SCRG1: variants seen among roughly 807,000 people sequenced by gnomAD.
SCRG1 encodes stimulator of chondrogenesis 1, also known as scrapie-responsive protein 1.
Under a neutral mutation model 7.7 loss-of-function variants are expected in SCRG1, and 3 were observed. The ratio of observed to expected loss-of-function variants is 0.39; its 90% CI spans 0.18 to 1.01. The LOEUF (loss-of-function observed/expected upper bound fraction) is 1.01, where lower values mean the gene tolerates loss of function less well. Among genes scored for constraint, SCRG1 ranks in the 50% least tolerant of loss-of-function variants. The probability of loss-of-function intolerance (pLI) is 0.36; values close to 1 mark genes in which losing one functional copy is unlikely to be tolerated. For synonymous variants in SCRG1, 46 were observed against 41.2 expected (o/e 1.12, Z -0.44); for missense variants, 110 against 117.2 (o/e 0.94, Z 0.28).
chr4:173,466,195 T>C, the SCRG1 span, among the ~76,000 whole-genome samples: 1,443 of 152,280 alleles, frequency 9.5e-3, 19 homozygotes, highest in African/African-American at 0.031. Context: ...ATTTGGTACA[T>C]AAATTTGTCC....
At chr4:173,432,616 C>T in the SCRG1 span, among the ~76,000 whole-genome samples, 10 of 152,234 alleles carry the variant, frequency 6.6e-5, 1 homozygote, top group East Asian at 9.7e-4. Context: ...CAGAGTTTAC[C>T]GTGTGCCACA....
the SCRG1 span, among the ~76,000 whole-genome samples, chr4:173,506,032 A>AG: frequency 6.6e-6 from 1 of 152,174 alleles, no homozygotes; most frequent in Non-Finnish European, 1.5e-5. This position sits in a 1 kb window ranked among gnomAD's most constrained non-coding sequence, Gnocchi z 5.3. Context: ...CCCGGGCTGA[A>AG]GGGGGAGCTC....
the SCRG1 span, among the ~76,000 whole-genome samples, chr4:173,437,443 A>T: frequency 1.3e-5 from 2 of 152,222 alleles, no homozygotes; most frequent in Non-Finnish European, 2.9e-5. Context: ...TAGCCACAGG[A>T]TGTCATCAAA....
the SCRG1 span, among the ~76,000 whole-genome samples, chr4:173,505,847 T>C: frequency 6.6e-6 from 1 of 152,106 alleles, no homozygotes; most frequent in Admixed American, 6.5e-5. The surrounding 1 kb of genome is among the most constrained non-coding windows in gnomAD (Gnocchi z 4.4). Context: ...GGTTAACACG[T>C]GGGTTTCCAG....
the SCRG1 span, among the ~76,000 whole-genome samples, chr4:173,473,798 G>A: frequency 6.6e-6 from 1 of 152,152 alleles, no homozygotes; most frequent in East Asian, 1.9e-4. Flanking sequence ...AATACATCCC[G>A]ATGGCGGTTA....
rs2126910924 is a variant in SCRG1 at position 173,387,133 on chromosome 4, T to C, written c.*1208A>G. 6.6e-6 allele frequency: 1 copy of C among 152,324 alleles called. No homozygotes were observed. Among genetic ancestry groups the C allele is most frequent in the African/African-American group, 2.4e-5 (1 of 41,574 alleles). 9.4% of individuals were successfully genotyped at this position (152,324 alleles called of 1,614,324 possible). A position where few individuals can be genotyped will look rare whatever the true frequency, so the allele number is the denominator to read the frequency against. On this transcript the variant is annotated 3_prime_UTR_variant, in exon 3 of 3. Coordinates refer to ENST00000296506, the MANE Select transcript of SCRG1 (RefSeq NM_007281.4). ...ATGTGTGTTTTGTTATTCTTAAAAA[T>C]GGATACTTTAGGAAATGTATCATGG...
At chr4:173,445,042 A>G in the SCRG1 span, among the ~76,000 whole-genome samples, 1 of 152,154 alleles carries the variant, frequency 6.6e-6, no homozygotes, top group Non-Finnish European at 1.5e-5. Flanking sequence ...TATGGGGCAA[A>G]GTAATATGCT....
chr4:173,422,549 T>G, the SCRG1 span, among the ~76,000 whole-genome samples: 1 of 152,208 alleles, frequency 6.6e-6, no homozygotes, highest in Non-Finnish European at 1.5e-5. Context: ...GAATTTCACC[T>G]ATTTCCATTG....
At chr4:173,438,243 G>A in the SCRG1 span, among the ~76,000 whole-genome samples, 1 of 151,962 alleles carries the variant, frequency 6.6e-6, no homozygotes, top group Non-Finnish European at 1.5e-5. Context: ...AGCTTCCAGA[G>A]TAACTGGGAC....
chr4:173,485,898 A>G, the SCRG1 span, among the ~76,000 whole-genome samples: 1 of 152,232 alleles, frequency 6.6e-6, no homozygotes, highest in East Asian at 1.9e-4. Context: ...TGAACTTGGG[A>G]GGTGGAGGTT....
At chr4:173,482,349 T>G in the SCRG1 span, among the ~76,000 whole-genome samples, 22 of 152,292 alleles carry the variant, frequency 1.4e-4, no homozygotes, top group Non-Finnish European at 2.5e-4. Flanking sequence ...CAAATTCCCC[T>G]GAAATTAACA....
At chr4:173,475,920 A>T in the SCRG1 span, among the ~76,000 whole-genome samples, 1 of 152,072 alleles carries the variant, frequency 6.6e-6, no homozygotes, top group Non-Finnish European at 1.5e-5. Context: ...AAAGTAGAAG[A>T]GTGGTTGCCA....
the SCRG1 span, among the ~76,000 whole-genome samples, chr4:173,483,751 G>A: frequency 0.62 from 2,121 of 3,444 alleles, 1,000 homozygotes; most frequent in Middle Eastern, 1. Context: ...TATATTATAT[G>A]TGATATATCA....
the SCRG1 span, among the ~76,000 whole-genome samples, chr4:173,414,135 C>T: frequency 6.6e-6 from 1 of 152,156 alleles, no homozygotes; most frequent in Non-Finnish European, 1.5e-5. Context: ...CAGACAAAAT[C>T]CTCTCTTGGG....
At chr4:173,490,706 A>C in the SCRG1 span, among the ~76,000 whole-genome samples, 1 of 152,198 alleles carries the variant, frequency 6.6e-6, no homozygotes, top group African/African-American at 2.4e-5. Flanking sequence ...TAAAAATGAA[A>C]CAAAAATTAA....
chr4:173,449,775 T>A, the SCRG1 span, among the ~76,000 whole-genome samples: 2 of 152,254 alleles, frequency 1.3e-5, no homozygotes, highest in Non-Finnish European at 2.9e-5. Context: ...TTCTGCCATT[T>A]GACATTTTTG....
chr4:173,401,274 A>T (rs1278068542), upstream of SCRG1, among the ~76,000 whole-genome samples: 1 of 152,252 alleles, frequency 6.6e-6, no homozygotes, highest in Non-Finnish European at 1.5e-5. Context: ...GTCTGCTGTG[A>T]TTCTTACTAA....
At chr4:173,420,748 T>C in the SCRG1 span, among the ~76,000 whole-genome samples, 1 of 151,912 alleles carries the variant, frequency 6.6e-6, no homozygotes, top group African/African-American at 2.4e-5. Flanking sequence ...GGATGCAAGT[T>C]AGGGCAGAAA....
the SCRG1 span, among the ~76,000 whole-genome samples, chr4:173,462,343 G>A: frequency 5.3e-5 from 7 of 132,444 alleles, no homozygotes; most frequent in Non-Finnish European, 1.1e-4. Context: ...ATGGAGCTCC[G>A]ATACTTCTGG....
Sources: allele counts gnomAD v4.1 joint callset (sites outside exome capture counted in the v4.1 genomes callset), GRCh38; gene constraint gnomAD v4.1.1; non-coding constraint Gnocchi (gnomAD v3.1); transcripts MANE v1.5; gene names NCBI Gene and HGNC (gene_info 2026-07-23, HGNC 2026-07-21).